The following SGCD variants were observed in gnomAD, a reference collection of about 807,000 sequenced individuals.
SGCD encodes the protein sarcoglycan delta.
Under a neutral mutation model 36.6 loss-of-function variants are expected in SGCD, and 18 were observed. That is an observed-to-expected ratio of 0.49 (90% CI 0.34 to 0.73). SGCD has a LOEUF of 0.73. SGCD is among the 30% of genes least tolerant of loss of function. SGCD has a pLI of 0.01. For synonymous variants in SGCD, 133 were observed against 130.6 expected (o/e 1.02, Z -0.12); for missense variants, 387 against 346.7 (o/e 1.12, Z -0.92).
chr5:156,419,157 A>G (rs1460003448), intron 3 of SGCD, among the ~76,000 whole-genome samples: 2 of 152,314 alleles, frequency 1.3e-5, no homozygotes, highest in African/African-American at 2.4e-5. Flanking sequence ...GAAATTATAT[A>G]TGCATCTTGA....
chr5:156,530,820 C>T (rs1258109907), intron 4 of SGCD, among the ~76,000 whole-genome samples: 1 of 151,924 alleles, frequency 6.6e-6, no homozygotes, highest in Non-Finnish European at 1.5e-5. Flanking sequence ...CCTCGTGATC[C>T]ACCCATCTCG....
intron 3 of SGCD, among the ~76,000 whole-genome samples, chr5:156,140,989 G>T (rs1053380045): frequency 2.0e-5 from 3 of 152,164 alleles, no homozygotes; most frequent in Non-Finnish European, 4.4e-5. Context: ...GAATCTTGAG[G>T]CTTGCTGCCC....
intron 6 of SGCD, among the ~76,000 whole-genome samples, chr5:156,596,483 T>C (rs947049910): frequency 6.6e-6 from 1 of 152,326 alleles, no homozygotes; most frequent in Middle Eastern, 3.4e-3. Flanking sequence ...ATACTAAGTG[T>C]CCAATAAGTG....
Position 156,484,146 on chromosome 5 carries a change from C to T in SGCD, c.193-24455C>T, listed in dbSNP as rs550334234. Among the ~76,000 whole-genome samples the T allele has an allele frequency of 5.9e-5, 9 of 152,316 alleles. No individual in the cohort carries two copies. The East Asian group carries it at 1.7e-3, about 29-fold the overall frequency. On this transcript the variant is annotated intron_variant, in intron 3 of 8. Coordinates refer to ENST00000337851, the MANE Select transcript of SGCD (RefSeq NM_000337.6). Reference sequence around the variant, plus strand: ...TGAATCCACTAAAAAACTCATACTCCAGTCAACGACATTGTCATTAAAGAA... The same window carrying T: ...TGAATCCACTAAAAAACTCATACTCTAGTCAACGACATTGTCATTAAAGAA...
chr5:156,594,822 T>C (rs1760859098), intron 5 of SGCD, 110 bp from the exon 6 acceptor site: 1 of 695,514 alleles, frequency 1.4e-6, no homozygotes. Context: ...TTGTTAGATA[T>C]GTGTGTTCTA....
At chr5:156,709,596 A>T (rs533798094) in intron 7 of SGCD, among the ~76,000 whole-genome samples, 1 of 152,346 alleles carries the variant, frequency 6.6e-6, no homozygotes, top group South Asian at 2.1e-4. Flanking sequence ...AAATAATCCT[A>T]TATACTTGAG....
chr5:156,282,428 A>G (rs1316455482), intron 3 of SGCD, among the ~76,000 whole-genome samples: 2 of 152,208 alleles, frequency 1.3e-5, no homozygotes, highest in Admixed American at 6.5e-5. Flanking sequence ...ATGGGCACTC[A>G]AATAGTTGTA....
At chr5:156,120,300 A>G (rs1461401713) in intron 2 of SGCD, among the ~76,000 whole-genome samples, 2 of 152,124 alleles carry the variant, frequency 1.3e-5, no homozygotes, top group African/African-American at 2.4e-5. Context: ...GTTGTTCCCA[A>G]GAAAACCAAG....
intron 1 of SGCD, among the ~76,000 whole-genome samples, chr5:156,076,804 A>G (rs1041499294): frequency 2.6e-5 from 4 of 152,224 alleles, no homozygotes; most frequent in African/African-American, 9.6e-5. Flanking sequence ...GCTGTGTTGT[A>G]GAGCTCCCAA....
intron 7 of SGCD, among the ~76,000 whole-genome samples, chr5:156,709,840 C>CG (rs1754907655): frequency 7.5e-6 from 1 of 133,276 alleles, no homozygotes; most frequent in Non-Finnish European, 1.6e-5. Context: ...CCCTCCCCCC[C>CG]GACGCCGCCA....
At chr5:156,151,850 A>C (rs1581132172) in intron 3 of SGCD, among the ~76,000 whole-genome samples, 1 of 150,982 alleles carries the variant, frequency 6.6e-6, no homozygotes, top group East Asian at 1.9e-4. Context: ...TTTGGTCTGG[A>C]AAGATTCCCC....
rs1382160645 is a variant in SGCD at position 156,567,368 on chromosome 5, GGATAGATAAATA to G, written c.295-21854_295-21843del. 9.0e-5 allele frequency among the ~76,000 whole-genome samples: 12 copies of G among 133,600 alleles called. No homozygotes were observed. In the East Asian group the frequency reaches 1.3e-3, roughly 14 times the overall value. The allele number at this position is 133,600 out of a possible 152,430, so 87.6% of individuals were successfully genotyped here. A position where few individuals can be genotyped will look rare whatever the true frequency, so the allele number is the denominator to read the frequency against. On this transcript the variant is annotated intron_variant, in intron 4 of 8. Transcript: ENST00000337851. Reference sequence around the variant, plus strand: ...GTGAGGCAGGGAGGGAGGGAGGGATGGATAGATAAATAGATAGATAGATAGATAGATAGATAG... The same window carrying G: ...GTGAGGCAGGGAGGGAGGGAGGGATGGATAGATAGATAGATAGATAGATAG...
chr5:155,934,747 A>G (rs1757163904), intron 1 of SGCD, among the ~76,000 whole-genome samples: 2 of 152,318 alleles, frequency 1.3e-5, no homozygotes, highest in South Asian at 4.1e-4. Context: ...TTCTTCCATT[A>G]CAGAAGCTGA....
At chr5:156,552,440 C>G (rs1309631600) in intron 4 of SGCD, among the ~76,000 whole-genome samples, 4 of 152,178 alleles carry the variant, frequency 2.6e-5, no homozygotes, top group Non-Finnish European at 5.9e-5. Flanking sequence ...GCCATCCCTT[C>G]CCTAGTGGGA....
intron 6 of SGCD, among the ~76,000 whole-genome samples, chr5:156,603,038 T>C (rs1313897795): frequency 6.6e-6 from 1 of 151,400 alleles, no homozygotes; most frequent in East Asian, 1.9e-4. Flanking sequence ...TTTAAGTGTT[T>C]GGCAAGAAGT....
chr5:156,580,016 CTTTA>C, intron 4 of SGCD, among the ~76,000 whole-genome samples: 1 of 152,164 alleles, frequency 6.6e-6, no homozygotes, highest in Non-Finnish European at 1.5e-5. Context: ...CATTGATGGT[CTTTA>C]CAATTTGGCA....
intron 3 of SGCD, among the ~76,000 whole-genome samples, chr5:156,415,039 A>G (rs1278393314): frequency 1.3e-5 from 2 of 152,182 alleles, no homozygotes; most frequent in East Asian, 3.9e-4. Flanking sequence ...AGAATTAAAC[A>G]TTAAATTTAC....
chr5:155,751,685 A>C, the SGCD span, among the ~76,000 whole-genome samples: 1 of 152,010 alleles, frequency 6.6e-6, no homozygotes, highest in Non-Finnish European at 1.5e-5. Flanking sequence ...CCTGTGGCAT[A>C]GATTTTATAT....
chr5:156,185,910 T>G lies in SGCD; in HGVS notation c.-44+61891T>G, dbSNP rs1467249041. Among the ~76,000 whole-genome samples the G allele has an allele frequency of 3.5e-5, 4 of 114,516 alleles. No homozygotes were observed. The East Asian group carries it at 6.2e-4, about 18-fold the overall frequency. The allele number at this position is 114,516 out of a possible 152,430, so 75.1% of individuals were successfully genotyped here. ...AGGGCCATGTCTCCCATATGCTTTC[T>G]TTACTGTGTTCATAATTGCTCTGTT... On this transcript the variant is annotated intron_variant, in intron 3 of 9. Coordinates refer to the SGCD transcript ENST00000517913.
Sources: allele counts gnomAD v4.1 joint callset (sites outside exome capture counted in the v4.1 genomes callset), GRCh38; gene constraint gnomAD v4.1.1; transcripts MANE v1.5; gene names NCBI Gene and HGNC (gene_info 2026-07-23, HGNC 2026-07-21).